The following FBXO27 variants were observed in gnomAD, a reference collection of about 807,000 sequenced individuals.
FBXO27 encodes F-box protein 27, also known as F-box only protein 27.
FBXO27 carries 28 observed loss-of-function variants against 28.3 expected under a neutral mutation model. The observed-to-expected ratio is 0.99, with a 90% CI of 0.73 to 1.36. FBXO27 has a LOEUF of 1.36. Among genes scored for constraint, FBXO27 ranks in the 40% most tolerant of loss-of-function variants. The pLI is 0.00. For synonymous variants in FBXO27, 175 were observed against 167.3 expected, an observed-to-expected ratio of 1.05 and a Z score of -0.36; for missense variants, 388 against 394.1, an observed-to-expected ratio of 0.98 and a Z score of 0.13.
chr19:39,026,888 G>C lies in FBXO27; in HGVS notation c.690C>G (p.Asn230Lys). 2 of 1,614,202 alleles carry C rather than the reference G, an allele frequency of 1.2e-6. No individual in the cohort carries two copies. Among genetic ancestry groups the C allele is most frequent in the Non-Finnish European group, 1.7e-6 (2 of 1,180,048 alleles). ...SAVPDPIPQW[N>K]NNACLHVTHV... ...GACTCACGTGAAGGCAGGCATTGTT[G>C]TTCCACTGCGGGATGGGATCAGGCA... is the stretch of plus-strand genomic sequence containing the variant. Residue 230 changes from asparagine to lysine, a missense_variant, in exon 5 of 6, where the codon AAC (asparagine) becomes AAG (lysine). Physicochemically the swap from Asn to Lys is moderately conservative, Grantham distance 94. Coordinates refer to ENST00000292853, the MANE Select transcript of FBXO27 (RefSeq NM_178820.5).
downstream of FBXO27, among the ~76,000 whole-genome samples, chr19:39,023,701 C>A (rs927327569): frequency 6.6e-6 from 1 of 152,100 alleles, no homozygotes; most frequent in African/African-American, 2.4e-5. Context: ...GCAACCTCCA[C>A]CTCCCGGATT....
At position 39,031,871 on chromosome 19, in the gene FBXO27, G is replaced by C; in HGVS notation, c.357C>G (p.Cys119Trp). ...PIGRNLIRNP[C>W]GQEGLRKWMV... is the part of the protein sequence containing the mutation. ...CCTCTTCCGAGATCCCACCTTGGCC[G>C]CAGGGGTTGCGAATAAGGTTGCGTC... The change falls in exon 2 of 6, where the codon TGC becomes TGG. Residue 119 changes from cysteine (C) to tryptophan (W), a missense_variant. Physicochemically the swap from Cys to Trp is radical, Grantham distance 215 (BLOSUM62 -2). Coordinates refer to ENST00000292853, the MANE Select transcript of FBXO27 (RefSeq NM_178820.5). 6.8e-7 allele frequency: 1 copy of C among 1,480,876 alleles called. No homozygotes were observed. The allele number at this position is 1,480,876 out of a possible 1,614,324, so 91.7% of individuals were successfully genotyped here. A position where few individuals can be genotyped will look rare whatever the true frequency, so the allele number is the denominator to read the frequency against.
At chr19:39,020,505 AAG>A (rs2072840201), downstream of FBXO27, among the ~76,000 whole-genome samples, 1 of 152,048 alleles carries the variant, frequency 6.6e-6, no homozygotes, top group Non-Finnish European at 1.5e-5. Flanking sequence ...AAGGACCTTT[AAG>A]GCTCATTACA....
intron 1 of FBXO27, among the ~76,000 whole-genome samples, chr19:39,017,145 C>T (rs980538315): frequency 2.0e-5 from 3 of 152,138 alleles, no homozygotes; most frequent in South Asian, 2.1e-4. Context: ...CCAGAGATTG[C>T]GTCGCTCTTT....
At chr19:39,022,808 A>T (rs924609818), downstream of FBXO27, among the ~76,000 whole-genome samples, 5 of 149,306 alleles carry the variant, frequency 3.3e-5, no homozygotes, top group African/African-American at 1.2e-4. Flanking sequence ...TTATTTATTT[A>T]TTTTTTGAGA....
chr19:39,011,438 C>A (rs11673637), intron 2 of FBXO27, among the ~76,000 whole-genome samples: 72,317 of 151,966 alleles, frequency 0.48, 17,354 homozygotes, highest in Middle Eastern at 0.58. Flanking sequence ...TCTCTCAAAA[C>A]AATTTTTTTT....
chr19:39,013,149 G>A (rs2072803924), intron 2 of FBXO27, among the ~76,000 whole-genome samples: 2 of 152,162 alleles, frequency 1.3e-5, no homozygotes, highest in African/African-American at 2.4e-5. Flanking sequence ...CAGGAGAGAA[G>A]TGGGGAAGTA....
intron 2 of FBXO27, among the ~76,000 whole-genome samples, chr19:39,008,591 A>G (rs1210129702): frequency 6.6e-6 from 1 of 152,202 alleles, no homozygotes; most frequent in Non-Finnish European, 1.5e-5. Flanking sequence ...TTGTACAACC[A>G]TCACCACCAT....
rs1363612765 is a variant in FBXO27 at position 39,024,139 on chromosome 19, A to G, written c.*1272T>C. On this transcript the variant is annotated 3_prime_UTR_variant, in exon 6 of 6. Transcript: ENST00000292853. Reference sequence around the variant, plus strand: ...TAATGTTATTTTAATTTTAAATACCACACAATTACAGGTCCTTGAGGATCA... The same window carrying G: ...TAATGTTATTTTAATTTTAAATACCGCACAATTACAGGTCCTTGAGGATCA... 6.6e-6 allele frequency: 1 copy of G among 152,158 alleles called. No individual in the cohort carries two copies. The highest frequency in any genetic ancestry group is 6.6e-5 in the Admixed American group (1 of 15,260). The allele number at this position is 152,158 out of a possible 1,614,324, so 9.4% of individuals were successfully genotyped here.
At chr19:39,010,143 C>CTTT (rs60049248) in intron 2 of FBXO27, among the ~76,000 whole-genome samples, 2 of 149,236 alleles carry the variant, frequency 1.3e-5, no homozygotes, top group South Asian at 2.1e-4. Context: ...GTTAAATTTA[C>CTTT]TTTTTTTTTT....
intron 2 of FBXO27, among the ~76,000 whole-genome samples, chr19:39,010,673 A>G (rs1051662786): frequency 7.9e-5 from 12 of 152,202 alleles, no homozygotes; most frequent in Non-Finnish European, 1.0e-4. Context: ...CGATGACCCA[A>G]AAGTTATTAC....
chr19:39,015,285 C>G (rs2072814321), intron 1 of FBXO27, among the ~76,000 whole-genome samples: 1 of 126,506 alleles, frequency 7.9e-6, no homozygotes, highest in Non-Finnish European at 1.6e-5. Context: ...CACCACTACA[C>G]TCCAGCCTGG....
In FBXO27 at chr19:39,026,960, G is replaced by C. The variant is rs2072876197; in HGVS notation, c.618C>G (p.Val206=). ...CAGTCTGGTTGGCGTCTAGAAGTTG[G>C]ACGAGGAGTCTGTACATACAGCCGC... ...HDSGCMYRLL[V]QLLDANQTVL... Residue 206 remains valine, a synonymous_variant, in exon 5 of 6, where the codon GTC becomes GTG. Coordinates refer to ENST00000292853, the MANE Select transcript of FBXO27 (RefSeq NM_178820.5). 6.2e-7 allele frequency: 1 copy of C among 1,614,182 alleles called. No individual in the cohort carries two copies. The highest frequency in any genetic ancestry group is 8.5e-7 in the Non-Finnish European group (1 of 1,180,046).
chr19:39,031,951 C>T lies in FBXO27; in HGVS notation c.277G>A (p.Ala93Thr). 1 of 1,517,944 alleles carries T rather than the reference C, an allele frequency of 6.6e-7. No homozygotes were observed. The highest frequency in any genetic ancestry group is 8.7e-7 in the Non-Finnish European group (1 of 1,144,484). The allele number at this position is 1,517,944 out of a possible 1,614,324, so 94.0% of individuals were successfully genotyped here. ...AGGGGGCAAGGCCTGGCGTTACGGG[C>T]GGGAGACTGGCAGCTGCGGGCGAGG... ...LHLARSCQSP[A>T]RNARPCPLGR... Residue 93 changes from alanine to threonine, a missense_variant, in exon 2 of 6, where the codon GCC becomes ACC. Transcript: ENST00000292853.
At chr19:39,012,075 C>T (rs980951479) in intron 2 of FBXO27, among the ~76,000 whole-genome samples, 36 of 151,802 alleles carry the variant, frequency 2.4e-4, no homozygotes, top group African/African-American at 4.8e-4. Context: ...CCTCGTGATC[C>T]GCCCGTCTCG....
intron 4 of FBXO27, chr19:39,030,634 TCCAGGA>T: frequency 5.2e-6 from 1 of 192,272 alleles, no homozygotes; most frequent in African/African-American, 2.4e-5. Context: ...CTTTTTTTTT[TCCAGGA>T]CTGAGTCTCA....
Position 39,016,656 on chromosome 19 carries a change from G to A in FBXO27, c.92-2109C>T, listed in dbSNP as rs141862010. 1.6e-4 allele frequency among the ~76,000 whole-genome samples: 24 copies of A among 148,814 alleles called. No individual in the cohort carries two copies. In the East Asian group the frequency reaches 2.6e-3, roughly 16 times the overall value. On this transcript the variant is annotated intron_variant, in intron 1 of 2. Coordinates refer to the FBXO27 transcript ENST00000598394. ...AAATTAGCTGGGTGTGGTGGCACAC[G>A]CACCTGTAATTCCAGCTACTCAAGA...
intron 2 of FBXO27, among the ~76,000 whole-genome samples, chr19:39,009,814 GT>G (rs1213635058): frequency 9.9e-5 from 15 of 151,540 alleles, no homozygotes; most frequent in African/African-American, 1.9e-4. Context: ...TGTTGTTGTT[GT>G]TTGTTTGTTT....
downstream of FBXO27, among the ~76,000 whole-genome samples, chr19:39,023,200 T>C (rs2072853958): frequency 6.6e-6 from 1 of 152,106 alleles, no homozygotes; most frequent in African/African-American, 2.4e-5. Flanking sequence ...TCCCCCAGAG[T>C]ACTGGGATTA....
Sources: gnomAD v4.1 joint callset for allele counts (sites outside exome capture counted in the v4.1 genomes callset) on GRCh38, gnomAD v4.1.1 for gene constraint, MANE v1.5 for transcripts, NCBI Gene and HGNC (gene_info 2026-07-23, HGNC 2026-07-21) for gene names.